Variants in SPOCK1 observed in about 807,000 individuals in gnomAD.
SPOCK1 encodes the protein testican-1.
A neutral mutation model predicts 55.3 loss-of-function variants in SPOCK1; 23 were observed. That is an observed-to-expected ratio of 0.42 (90% CI 0.30 to 0.59). SPOCK1 has a LOEUF of 0.59. Among genes scored for constraint, SPOCK1 ranks in the 20% least tolerant of loss-of-function variants. The pLI is 0.22. For synonymous variants in SPOCK1, 226 were observed against 221.0 expected (o/e 1.02, Z -0.20); for missense variants, 499 against 552.5 (o/e 0.90, Z 0.97).
chr5:137,159,158 G>A (rs1372948091), intron 3 of SPOCK1, among the ~76,000 whole-genome samples: 2 of 152,126 alleles, frequency 1.3e-5, no homozygotes, highest in Non-Finnish European at 2.9e-5. Flanking sequence ...TTTCTTTGAT[G>A]GAGATACAAT....
intron 2 of SPOCK1, among the ~76,000 whole-genome samples, chr5:137,435,808 T>C (rs1006836438): frequency 2.0e-5 from 3 of 152,084 alleles, no homozygotes; most frequent in Non-Finnish European, 2.9e-5. Context: ...TAGATTTTTT[T>C]TTTTACCAGC....
At chr5:137,436,650 C>T (rs1752871023) in intron 2 of SPOCK1, among the ~76,000 whole-genome samples, 1 of 152,092 alleles carries the variant, frequency 6.6e-6, no homozygotes, top group South Asian at 2.1e-4. Context: ...AAAGAAAACC[C>T]CAGCTGAGAT....
intron 2 of SPOCK1, among the ~76,000 whole-genome samples, chr5:137,457,548 A>G (rs1753391337): frequency 6.6e-6 from 1 of 152,214 alleles, no homozygotes; most frequent in Admixed American, 6.5e-5. Flanking sequence ...CACAAGCAGG[A>G]CAGTACTTGT....
At chr5:137,318,737 A>G (rs1301344634) in intron 2 of SPOCK1, among the ~76,000 whole-genome samples, 1 of 152,224 alleles carries the variant, frequency 6.6e-6, no homozygotes, top group Non-Finnish European at 1.5e-5. Context: ...GTGTTTGGGG[A>G]GAAAGCTAAG....
At chr5:137,054,909 A>C (rs1466244463) in intron 6 of SPOCK1, among the ~76,000 whole-genome samples, 2 of 152,194 alleles carry the variant, frequency 1.3e-5, no homozygotes, top group Non-Finnish European at 2.9e-5. Flanking sequence ...CAATCTAATG[A>C]GTTTACAGTG....
At chr5:137,225,658 C>T (rs1401645265) in intron 3 of SPOCK1, among the ~76,000 whole-genome samples, 2 of 152,176 alleles carry the variant, frequency 1.3e-5, no homozygotes, top group African/African-American at 4.8e-5. Flanking sequence ...ACTTGAGCAT[C>T]CTTTAGAATC....
intron 6 of SPOCK1, among the ~76,000 whole-genome samples, chr5:137,006,424 C>T (rs1751249183): frequency 6.6e-6 from 1 of 152,064 alleles, no homozygotes; most frequent in Non-Finnish European, 1.5e-5. Flanking sequence ...CCTTCACATC[C>T]CTTATAAGTT....
At chr5:137,317,736 C>T (rs1380900520) in intron 2 of SPOCK1, among the ~76,000 whole-genome samples, 1 of 152,188 alleles carries the variant, frequency 6.6e-6, no homozygotes, top group Non-Finnish European at 1.5e-5. Context: ...CACCTCCTTC[C>T]TCCAGAATGT....
chr5:137,230,828 G>T (rs1325406089), intron 3 of SPOCK1, among the ~76,000 whole-genome samples: 2 of 152,048 alleles, frequency 1.3e-5, no homozygotes, highest in African/African-American at 4.8e-5. Flanking sequence ...AACCTCCCCA[G>T]AAAGTGACTT....
intron 3 of SPOCK1, among the ~76,000 whole-genome samples, chr5:137,255,217 C>T (rs1756610833): frequency 6.6e-6 from 1 of 152,152 alleles, no homozygotes; most frequent in African/African-American, 2.4e-5. Context: ...CTGACAAACC[C>T]CCTTCTGAGA....
chr5:137,231,785 T>C (rs986931365), intron 3 of SPOCK1, among the ~76,000 whole-genome samples: 2 of 152,258 alleles, frequency 1.3e-5, no homozygotes, highest in Admixed American at 6.5e-5. Flanking sequence ...TGTATGGTAC[T>C]AGCATTCCAC....
chr5:137,335,814 A>G (rs950481758), intron 2 of SPOCK1, among the ~76,000 whole-genome samples: 1 of 152,244 alleles, frequency 6.6e-6, no homozygotes, highest in East Asian at 1.9e-4. Context: ...AAATTTCAGC[A>G]TGTTCAAGTC....
At chr5:137,343,826 C>T (rs1750494185) in intron 2 of SPOCK1, among the ~76,000 whole-genome samples, 1 of 152,186 alleles carries the variant, frequency 6.6e-6, no homozygotes, top group South Asian at 2.1e-4. Flanking sequence ...CTGGGGGCTA[C>T]TGACATTCCC....
chr5:137,280,050 C>T (rs1262475359), intron 2 of SPOCK1, among the ~76,000 whole-genome samples: 1 of 152,174 alleles, frequency 6.6e-6, no homozygotes, highest in Non-Finnish European at 1.5e-5. Context: ...CCCCGCACAG[C>T]CAGTGATCAT....
At chr5:137,061,547 C>A (rs1752394241) in intron 6 of SPOCK1, among the ~76,000 whole-genome samples, 2 of 152,290 alleles carry the variant, frequency 1.3e-5, no homozygotes, top group South Asian at 4.1e-4. Flanking sequence ...CTCTTTCCTC[C>A]CCTCCTGCAC....
chr5:137,129,127 G>C (rs1410483246), intron 4 of SPOCK1, among the ~76,000 whole-genome samples: 2 of 152,140 alleles, frequency 1.3e-5, no homozygotes, highest in East Asian at 3.9e-4. Context: ...TGGTCTTCAG[G>C]GTGTTGCAGA....
intron 2 of SPOCK1, among the ~76,000 whole-genome samples, chr5:137,279,583 G>C (rs934154883): frequency 6.6e-6 from 1 of 152,222 alleles, no homozygotes; most frequent in Non-Finnish European, 1.5e-5. Flanking sequence ...GAGCCCAGGT[G>C]CAACAACAGA....
At chr5:137,131,546 T>A (rs1002711445) in intron 4 of SPOCK1, among the ~76,000 whole-genome samples, 13 of 151,246 alleles carry the variant, frequency 8.6e-5, no homozygotes, top group African/African-American at 3.2e-4. Context: ...AGGTGGAAGT[T>A]GCAGTGAGCA....
At chr5:137,347,272 G>A (rs185885490) in intron 2 of SPOCK1, among the ~76,000 whole-genome samples, 30 of 152,250 alleles carry the variant, frequency 2.0e-4, no homozygotes, top group African/African-American at 4.8e-4. Flanking sequence ...CCTCTCTGCC[G>A]CCCATGTTGC....
Sources: allele counts gnomAD v4.1 joint callset (sites outside exome capture counted in the v4.1 genomes callset), GRCh38; gene constraint gnomAD v4.1.1; transcripts MANE v1.5; gene names NCBI Gene and HGNC (gene_info 2026-07-23, HGNC 2026-07-21).